Variants in DCC observed in about 807,000 individuals in gnomAD.
The protein encoded by DCC is DCC netrin 1 receptor.
In DCC, 58 loss-of-function variants were observed where a neutral mutation model predicts 172.5. The ratio of observed to expected loss-of-function variants is 0.34; its 90% CI spans 0.27 to 0.42. The LOEUF is 0.42. Among genes scored for constraint, DCC ranks in the 10% least tolerant of loss-of-function variants. DCC has a pLI of 1.00. For missense variants in DCC, 1,740 were observed against 1,791.0 expected (o/e 0.97, Z 0.51); for synonymous variants, 709 against 644.5 (o/e 1.10, Z -1.52).
intron 7 of DCC, among the ~76,000 whole-genome samples, chr18:53,114,250 A>AT (rs141767209): frequency 6.7e-6 from 1 of 148,750 alleles, no homozygotes; most frequent in African/African-American, 2.5e-5. Context: ...TTTAATGAAC[A>AT]CCCCCCCCAC....
Position 53,222,451 on chromosome 18 carries a change from C to T in DCC, c.1911+6854C>T, listed in dbSNP as rs542613982. Among the ~76,000 whole-genome samples, 47 of 134,000 alleles carry T rather than the reference C, an allele frequency of 3.5e-4. No homozygotes were observed. In the East Asian group the frequency reaches 4.9e-3, roughly 14 times the overall value. 87.9% of individuals were successfully genotyped at this position (134,000 alleles called of 152,430 possible). Reference sequence around the variant, plus strand: ...CCAGGCTGCAGTGCAGTGGTGTGATCTCAGCTCACTGCAACCTCTGCCTTC... The same window carrying T: ...CCAGGCTGCAGTGCAGTGGTGTGATTTCAGCTCACTGCAACCTCTGCCTTC... On this transcript the variant is annotated intron_variant, in intron 12 of 28. Coordinates refer to ENST00000442544, the MANE Select transcript of DCC (RefSeq NM_005215.4).
intron 26 of DCC, among the ~76,000 whole-genome samples, chr18:53,489,623 G>A (rs1042549751): frequency 5.3e-5 from 8 of 152,124 alleles, no homozygotes; most frequent in Non-Finnish European, 1.2e-4. Flanking sequence ...TTCCTCCAAA[G>A]TTATCTGAAA....
At chr18:53,246,587 A>G (rs2056367977) in intron 12 of DCC, among the ~76,000 whole-genome samples, 2 of 152,112 alleles carry the variant, frequency 1.3e-5, no homozygotes, top group African/African-American at 4.8e-5. Context: ...GTACAACACC[A>G]TAGACAATGT....
intron 8 of DCC, among the ~76,000 whole-genome samples, chr18:53,171,063 T>G (rs963503681): frequency 6.6e-6 from 1 of 152,086 alleles, no homozygotes; most frequent in African/African-American, 2.4e-5. Context: ...TTTTGTATTT[T>G]TACTAGAGAG....
intron 1 of DCC, among the ~76,000 whole-genome samples, chr18:52,494,554 C>T (rs2030666781): frequency 6.6e-6 from 1 of 151,624 alleles, no homozygotes; most frequent in Non-Finnish European, 1.5e-5. Context: ...TTTTTATTGA[C>T]TTCCTTCATT....
At chr18:53,285,778 C>T (rs1308596896) in intron 12 of DCC, among the ~76,000 whole-genome samples, 1 of 152,194 alleles carries the variant, frequency 6.6e-6, no homozygotes, top group Non-Finnish European at 1.5e-5. Flanking sequence ...GGGAGGAGAC[C>T]GTACCCTTCA....
At chr18:52,905,508 A>T (rs2039868465) in intron 2 of DCC, among the ~76,000 whole-genome samples, 1 of 152,174 alleles carries the variant, frequency 6.6e-6, no homozygotes, top group Non-Finnish European at 1.5e-5. Flanking sequence ...CCTAAAAGAC[A>T]ATCCTTTGTT....
chr18:52,538,212 T>C (rs925107472), intron 1 of DCC, among the ~76,000 whole-genome samples: 3 of 152,150 alleles, frequency 2.0e-5, no homozygotes, highest in Non-Finnish European at 2.9e-5. Flanking sequence ...TCACACAACT[T>C]GGGGCTCTGA....
At chr18:52,730,853 A>G (rs1251354505) in intron 1 of DCC, among the ~76,000 whole-genome samples, 2 of 152,174 alleles carry the variant, frequency 1.3e-5, no homozygotes, top group African/African-American at 2.4e-5. Flanking sequence ...AGATAACGCA[A>G]TAATGCACTG....
intron 1 of DCC, among the ~76,000 whole-genome samples, chr18:52,729,952 T>C (rs2036611513): frequency 6.6e-6 from 1 of 151,998 alleles, no homozygotes; most frequent in Non-Finnish European, 1.5e-5. Context: ...TCATCAGGAG[T>C]AGAATTCAGG....
At chr18:53,342,999 T>C (rs2057679467) in intron 15 of DCC, among the ~76,000 whole-genome samples, 1 of 150,914 alleles carries the variant, frequency 6.6e-6, no homozygotes. Context: ...ATGTGTAGAA[T>C]ACAAGAGATT....
chr18:53,487,827 A>C (rs1279471474), intron 26 of DCC, among the ~76,000 whole-genome samples: 1 of 152,212 alleles, frequency 6.6e-6, no homozygotes, highest in East Asian at 1.9e-4. Context: ...TCTACAGAAT[A>C]GAGTTGTGTG....
intron 1 of DCC, among the ~76,000 whole-genome samples, chr18:52,458,955 A>C (rs1031611835): frequency 1.3e-5 from 2 of 152,182 alleles, no homozygotes; most frequent in African/African-American, 4.8e-5. Flanking sequence ...GGAAAGGGGA[A>C]GTTCAAACCT....
intron 1 of DCC, among the ~76,000 whole-genome samples, chr18:52,383,625 G>T (rs1213899400): frequency 6.6e-6 from 1 of 151,678 alleles, no homozygotes; most frequent in East Asian, 1.9e-4. Flanking sequence ...TTGAAATTTT[G>T]GAGTTTTAAT....
chr18:52,907,005 G>A (rs1160755296), intron 3 of DCC, among the ~76,000 whole-genome samples: 1 of 151,802 alleles, frequency 6.6e-6, no homozygotes, highest in Non-Finnish European at 1.5e-5. Context: ...TAGTCACAGG[G>A]ATACTGACTT....
chr18:52,586,797 T>G (rs1027400050), intron 1 of DCC, among the ~76,000 whole-genome samples: 5 of 152,166 alleles, frequency 3.3e-5, no homozygotes, highest in African/African-American at 1.2e-4. Context: ...TGCAGAGTAT[T>G]GTCACATAGT....
chr18:53,042,464 TTC>T (rs927676168), intron 5 of DCC, among the ~76,000 whole-genome samples: 3 of 151,982 alleles, frequency 2.0e-5, no homozygotes, highest in African/African-American at 7.2e-5. Flanking sequence ...GCCTGAAATT[TTC>T]TCTTTTTGTT....
chr18:52,420,457 AGT>A (rs879621239), intron 1 of DCC, among the ~76,000 whole-genome samples: 3 of 152,128 alleles, frequency 2.0e-5, no homozygotes, highest in Non-Finnish European at 4.4e-5. Context: ...TACCACAATG[AGT>A]GTTAAAAATG....
chr18:53,483,856 A>G (rs1246371159), intron 25 of DCC, among the ~76,000 whole-genome samples: 1 of 151,846 alleles, frequency 6.6e-6, no homozygotes, highest in East Asian at 1.9e-4. Flanking sequence ...CTTTTTGTAC[A>G]TTAATTGCAT....
Sources: allele counts gnomAD v4.1 joint callset (sites outside exome capture counted in the v4.1 genomes callset), GRCh38; gene constraint gnomAD v4.1.1; transcripts MANE v1.5; gene names NCBI Gene and HGNC (gene_info 2026-07-23, HGNC 2026-07-21).